Variants in AFAP1 observed in about 807,000 individuals in gnomAD.
AFAP1 encodes actin filament associated protein 1.
Under a neutral mutation model 93.9 loss-of-function variants are expected in AFAP1, and 75 were observed. That is an observed-to-expected ratio of 0.80 (90% CI 0.66 to 0.97). The LOEUF is 0.97. Among genes scored for constraint, AFAP1 ranks in the 50% least tolerant of loss-of-function variants. The pLI is 0.00. For synonymous variants in AFAP1, 517 were observed against 430.7 expected, an observed-to-expected ratio of 1.20 and a Z score of -2.48; for missense variants, 1,201 against 1,050.8, an observed-to-expected ratio of 1.14 and a Z score of -1.98.
chr4:7,857,314 T>C (rs539820141), intron 3 of AFAP1, among the ~76,000 whole-genome samples: 2 of 152,216 alleles, frequency 1.3e-5, no homozygotes, highest in South Asian at 2.1e-4. Flanking sequence ...AGCCAAGAAG[T>C]CCTTTGTGAA....
chr4:7,839,231 G>A (rs568480129), intron 5 of AFAP1, among the ~76,000 whole-genome samples: 114 of 152,006 alleles, frequency 7.5e-4, no homozygotes, highest in Non-Finnish European at 1.5e-3. Context: ...AGCTGCTTGG[G>A]AGGCTGAGGC....
At chr4:7,783,507 G>A (rs1051790297) in intron 12 of AFAP1, among the ~76,000 whole-genome samples, 3 of 152,100 alleles carry the variant, frequency 2.0e-5, no homozygotes, top group African/African-American at 4.8e-5. Context: ...TAACAGAGCC[G>A]AACACACAGA....
chr4:7,901,043 C>A (rs1392251917), intron 1 of AFAP1, among the ~76,000 whole-genome samples: 2 of 152,204 alleles, frequency 1.3e-5, no homozygotes, highest in African/African-American at 4.8e-5. Context: ...GGACTGCTCT[C>A]CCACTTGGTA....
intron 1 of AFAP1, among the ~76,000 whole-genome samples, chr4:7,930,254 G>A (rs531828835): frequency 2.0e-5 from 3 of 152,330 alleles, no homozygotes; most frequent in African/African-American, 4.8e-5. Flanking sequence ...CCATGCCCCT[G>A]GGAGTGCCAC....
chr4:7,809,797 T>C, intron 8 of AFAP1, 34 bp from the exon 9 acceptor site: 1 of 1,587,188 alleles, frequency 6.3e-7, no homozygotes, highest in Non-Finnish European at 8.5e-7. Context: ...AAAGCATGTT[T>C]TAATTGTAGA....
chr4:7,889,377 T>A (rs955847121), intron 1 of AFAP1, among the ~76,000 whole-genome samples: 6 of 151,602 alleles, frequency 4.0e-5, no homozygotes, highest in Non-Finnish European at 8.8e-5. Flanking sequence ...TGAAACCCCA[T>A]CTCTACTAAA....
intron 4 of AFAP1, among the ~76,000 whole-genome samples, chr4:7,850,644 G>T (rs1157568630): frequency 6.6e-6 from 1 of 152,224 alleles, no homozygotes; most frequent in South Asian, 2.1e-4. Context: ...CCATCTCCGA[G>T]GCCAGCACAG....
chr4:7,836,313 G>A (rs1487813403), intron 6 of AFAP1, among the ~76,000 whole-genome samples: 2 of 152,204 alleles, frequency 1.3e-5, no homozygotes, highest in African/African-American at 4.8e-5. Context: ...AGCCAGCCAC[G>A]AAAGCCCAAG....
intron 5 of AFAP1, among the ~76,000 whole-genome samples, chr4:7,840,261 GATGTGTGTGT>G (rs1712828339): frequency 1.8e-5 from 1 of 56,248 alleles, no homozygotes; most frequent in Middle Eastern, 7.9e-3. Context: ...TTGTTTTTGG[GATGTGTGTGT>G]GTGTGTGTGT....
intron 2 of AFAP1, among the ~76,000 whole-genome samples, chr4:7,871,385 T>G (rs1282684330): frequency 1.3e-5 from 2 of 152,140 alleles, no homozygotes; most frequent in African/African-American, 4.8e-5. Context: ...AATTCTGGTG[T>G]GTGATAGGCA....
chr4:7,868,456 G>C (rs1246663399), intron 3 of AFAP1, among the ~76,000 whole-genome samples, 166 bp downstream of exon 3: 1 of 152,158 alleles, frequency 6.6e-6, no homozygotes, highest in Non-Finnish European at 1.5e-5. Context: ...CTACCAACTA[G>C]CTATCACTCA....
chr4:7,820,382 G>A (rs1407857728), intron 6 of AFAP1, among the ~76,000 whole-genome samples: 7 of 152,220 alleles, frequency 4.6e-5, no homozygotes, highest in Non-Finnish European at 8.8e-5. Flanking sequence ...AAAGGATGAT[G>A]CTCACAGCCT....
intron 1 of AFAP1, among the ~76,000 whole-genome samples, chr4:7,921,486 CT>C (rs11289034): frequency 0.88 from 133,845 of 151,680 alleles, 59,307 homozygotes; most frequent in African/African-American, 0.96. Context: ...CACCTGGCCA[CT>C]TTTTTTTTAA....
chr4:7,778,743 C>T lies in AFAP1; in HGVS notation c.1897+19G>A, dbSNP rs776248173. On this transcript the variant is annotated intron_variant, in intron 14 of 17. Coordinates refer to ENST00000420658, the MANE Select transcript of AFAP1 (RefSeq NM_001134647.2). ...GTGCACTTGAAGCCGGAATGCAAGA[C>T]ATCCGATGGTATACTTACTCGAACC... 1.1e-5 allele frequency: 18 copies of T among 1,608,264 alleles called. No homozygotes were observed. Among genetic ancestry groups the T allele is most frequent in the Non-Finnish European group, 1.5e-5 (18 of 1,174,640 alleles).
intron 12 of AFAP1, among the ~76,000 whole-genome samples, chr4:7,783,561 C>T (rs1716982896): frequency 6.6e-6 from 1 of 152,202 alleles, no homozygotes; most frequent in Non-Finnish European, 1.5e-5. Flanking sequence ...GCCTAATAAG[C>T]AAGGAAGCCA....
intron 1 of AFAP1, among the ~76,000 whole-genome samples, chr4:7,883,127 G>A (rs768233402): frequency 2.2e-4 from 33 of 147,022 alleles, no homozygotes; most frequent in Non-Finnish European, 9.0e-5. Context: ...TTGAGGTTAC[G>A]GTGAGCCATA....
intron 1 of AFAP1, among the ~76,000 whole-genome samples, chr4:7,873,424 C>T (rs1444704355): frequency 1.6e-5 from 2 of 123,230 alleles, no homozygotes; most frequent in Non-Finnish European, 3.2e-5. Flanking sequence ...TCTGGGCTCA[C>T]TGAAAGCTCC....
Position 7,935,548 on chromosome 4 carries a change from G to C in AFAP1, c.-3+4108C>G, listed in dbSNP as rs894174540. On this transcript the variant is annotated intron_variant, in intron 1 of 17. Coordinates refer to ENST00000420658, the MANE Select transcript of AFAP1 (RefSeq NM_001134647.2). ...AGAGGAAGGTAGACAGCAAAGACTTGAGACTTATAATCTAAGAAAACTTCA... is the reference window on the plus strand; with the variant it reads ...AGAGGAAGGTAGACAGCAAAGACTTCAGACTTATAATCTAAGAAAACTTCA... Among the ~76,000 whole-genome samples, 2 of 152,316 alleles carry C rather than the reference G, an allele frequency of 1.3e-5. 1 individual carries two copies. The highest frequency in any genetic ancestry group is 3.9e-4 in the East Asian group (2 of 5,194).
chr4:7,939,410 C>T lies in AFAP1; in HGVS notation c.-3+246G>A. ...AGCCAGCGCCCGGGTCCACGCAGTC[C>T]CCTCCGGGCAGACGCGGGGAGCTGG... On this transcript the variant is annotated intron_variant, in intron 1 of 17. Transcript: ENST00000420658. The surrounding 1 kb of genome is among the most constrained non-coding windows in gnomAD (Gnocchi z 5.6). The T allele has an allele frequency of 3.3e-6, 1 of 303,972 alleles. No homozygotes were observed. Among genetic ancestry groups the T allele is most frequent in the Non-Finnish European group, 6.5e-6 (1 of 154,592 alleles). The allele number at this position is 303,972 out of a possible 1,614,324, so 18.8% of individuals were successfully genotyped here.
Sources: gnomAD v4.1 joint callset for allele counts (sites outside exome capture counted in the v4.1 genomes callset) on GRCh38, gnomAD v4.1.1 for gene constraint, Gnocchi (gnomAD v3.1) non-coding constraint, MANE v1.5 for transcripts, NCBI Gene and HGNC (gene_info 2026-07-23, HGNC 2026-07-21) for gene names.